The following HSPB7 variants were observed in gnomAD, a reference collection of about 807,000 sequenced individuals.
HSPB7 encodes heat shock protein family B (small) member 7, also known as heat shock protein beta-7.
HSPB7 carries 9 observed loss-of-function variants against 11.0 expected under a neutral mutation model. The observed-to-expected ratio is 0.82, with a 90% CI of 0.49 to 1.43. HSPB7 has a LOEUF of 1.43. Among genes scored for constraint, HSPB7 ranks in the 40% most tolerant of loss-of-function variants. HSPB7 has a pLI of 0.00. For missense variants in HSPB7, 246 were observed against 243.9 expected, an observed-to-expected ratio of 1.01 and a Z score of -0.06; for synonymous variants, 102 against 101.6, an observed-to-expected ratio of 1.00 and a Z score of -0.02.
At chr1:16,018,350 G>A (rs2021925719), upstream of HSPB7, 10 of 1,218,956 alleles carry the variant, frequency 8.2e-6, no homozygotes, top group Non-Finnish European at 9.4e-6. Flanking sequence ...TTTATTGTGT[G>A]TTTTGTTTCC....
In HSPB7 at chr1:16,017,152, C is replaced by A. The variant is rs779290288; in HGVS notation, c.255G>T (p.Ala85=). ...CAGGTGAGAAGTCTCTCACGTCCAC[C>A]GCAAACTCATAGGCGTCTCCTAGGG... ...IKTLGDAYEF[A]VDVRDFSPED... The change falls in exon 2 of 3, where the codon GCG becomes GCT. Residue 85 remains alanine (A), a synonymous_variant. Transcript: ENST00000311890. 1.2e-6 allele frequency: 2 copies of A among 1,613,830 alleles called. No individual in the cohort carries two copies. Among genetic ancestry groups the A allele is most frequent in the African/African-American group, 1.3e-5 (1 of 74,994 alleles).
chr1:16,018,483 G>A (rs888708490), upstream of HSPB7: 15 of 1,119,076 alleles, frequency 1.3e-5, no homozygotes, highest in African/African-American at 1.5e-4. Flanking sequence ...AAGCACCACC[G>A]CTCTGTGACG....
In HSPB7 at chr1:16,015,528, C is replaced by G. The variant is rs1557437724; in HGVS notation, c.*52G>C. The G allele has an allele frequency of 6.4e-7, 1 of 1,573,712 alleles. No individual in the cohort carries two copies. Among genetic ancestry groups the G allele is most frequent in the Non-Finnish European group, 8.7e-7 (1 of 1,146,026 alleles). ...AGCTGTTGTAATGGGGTTAGCGAGG[C>G]TTTGCTGGCAGGCGTGGGGCGGGGG... On this transcript the variant is annotated 3_prime_UTR_variant, in exon 3 of 3. Coordinates refer to ENST00000311890, the MANE Select transcript of HSPB7 (RefSeq NM_014424.5). The surrounding 1 kb of genome is among the most constrained non-coding windows in gnomAD (Gnocchi z 4.9).
Position 16,017,755 on chromosome 1 carries a change from G to T in HSPB7, c.199+10C>A, listed in dbSNP as rs746021177. ...GCACCTCCCCTCCCCTCAGGGCCCG[G>T]ATCACTTGCCTGGGAAGGCCAGGGG... On this transcript the variant is annotated intron_variant, in intron 1 of 2. Coordinates refer to ENST00000311890, the MANE Select transcript of HSPB7 (RefSeq NM_014424.5). 1.3e-6 allele frequency: 2 copies of T among 1,578,996 alleles called. No individual in the cohort carries two copies. Among genetic ancestry groups the T allele is most frequent in the African/African-American group, 1.4e-5 (1 of 73,828 alleles).
chr1:16,015,275 G>A lies in HSPB7; in HGVS notation c.*305C>T. ...GCAGAGCTTGCCCATATGTCCTGCTGGTCCCATTCCCCTGACCCACAGTGG... is the reference window on the plus strand; with the variant it reads ...GCAGAGCTTGCCCATATGTCCTGCTAGTCCCATTCCCCTGACCCACAGTGG... On this transcript the variant is annotated 3_prime_UTR_variant, in exon 3 of 3. Transcript: ENST00000311890. The surrounding 1 kb of genome is among the most constrained non-coding windows in gnomAD (Gnocchi z 4.9). The A allele has an allele frequency of 2.8e-6, 1 of 362,540 alleles. No homozygotes were observed. The allele number at this position is 362,540 out of a possible 1,614,324, so 22.5% of individuals were successfully genotyped here. A position where few individuals can be genotyped will look rare whatever the true frequency, so the allele number is the denominator to read the frequency against.
In HSPB7 at chr1:16,015,563, A is replaced by C; in HGVS notation, c.*17T>G. ...AGGCGTGGGGCGGGGGGACAGGGAA[A>C]GGGAAGGGAGAGGCACTCAGATTTT... On this transcript the variant is annotated 3_prime_UTR_variant, in exon 3 of 3. Transcript: ENST00000311890. This position sits in a 1 kb window ranked among gnomAD's most constrained non-coding sequence, Gnocchi z 4.9. 1 of 1,612,970 alleles carries C rather than the reference A, an allele frequency of 6.2e-7. No individual in the cohort carries two copies. The highest frequency in any genetic ancestry group is 8.5e-7 in the Non-Finnish European group (1 of 1,179,160).
At chr1:16,017,553 C>T (rs990795235) in intron 1 of HSPB7, 3 of 594,540 alleles carry the variant, frequency 5.0e-6, no homozygotes, top group African/African-American at 1.9e-5. Context: ...CCATGTCCAA[C>T]CCCCAGGGCC....
At chr1:16,018,992 G>T (rs2021959989), upstream of HSPB7, 3 of 985,708 alleles carry the variant, frequency 3.0e-6, no homozygotes, top group African/African-American at 1.6e-5. Flanking sequence ...GCAGAGCTGG[G>T]ATTCGAACCT....
intron 1 of HSPB7, 24 bp from the exon 2 acceptor site, chr1:16,017,231 G>A (rs748568896): frequency 5.6e-6 from 9 of 1,609,078 alleles, no homozygotes; most frequent in Non-Finnish European, 7.7e-6. Flanking sequence ...TGCTGTGAGC[G>A]AGGCATGGAG....
Position 16,014,737 on chromosome 1 carries a change from G to A in HSPB7, c.*843C>T, listed in dbSNP as rs918317738. The A allele has an allele frequency of 5.3e-5, 8 of 152,198 alleles. No individual in the cohort carries two copies. The highest frequency in any genetic ancestry group is 8.8e-5 in the Non-Finnish European group (6 of 68,042). 9.4% of individuals were successfully genotyped at this position (152,198 alleles called of 1,614,324 possible). On this transcript the variant is annotated 3_prime_UTR_variant, in exon 3 of 3. Coordinates refer to ENST00000311890, the MANE Select transcript of HSPB7 (RefSeq NM_014424.5). ...CAAGAAGCTGGGGTCCAACCTCGAG[G>A]ACCCAAAGCCCCATCCATGCCCTGG...
rs1028676715 is a variant in HSPB7 at position 16,017,892 on chromosome 1, AGAG to A, written c.69_71del (p.Ser25del). Reference sequence around the variant, plus strand: ...CACGGGAGGCCGAGGAGGAGGTGGAAGAGGAGGAGGAAGAGGAAGAGGAATGGA... The same window carrying A: ...CACGGGAGGCCGAGGAGGAGGTGGAAGAGGAGGAAGAGGAAGAGGAATGGA... On this transcript the variant is annotated inframe_deletion, in exon 1 of 3. Coordinates refer to ENST00000311890, the MANE Select transcript of HSPB7 (RefSeq NM_014424.5). 1.9e-6 allele frequency: 3 copies of A among 1,613,362 alleles called. No individual in the cohort carries two copies. The highest frequency in any genetic ancestry group is 2.5e-6 in the Non-Finnish European group (3 of 1,179,512).
chr1:16,015,292 C>T lies in HSPB7; in HGVS notation c.*288G>A. 1 of 401,072 alleles carries T rather than the reference C, an allele frequency of 2.5e-6. No homozygotes were observed. Among genetic ancestry groups the T allele is most frequent in the Non-Finnish European group, 4.6e-6 (1 of 219,666 alleles). The allele number at this position is 401,072 out of a possible 1,614,324, so 24.8% of individuals were successfully genotyped here. On this transcript the variant is annotated 3_prime_UTR_variant, in exon 3 of 3. Transcript: ENST00000311890. This position sits in a 1 kb window ranked among gnomAD's most constrained non-coding sequence, Gnocchi z 4.9. ...GTCCTGCTGGTCCCATTCCCCTGAC[C>T]CACAGTGGGTTCTTTAGATCTTCCT...
chr1:16,018,787 A>G (rs2021951970), upstream of HSPB7: 1 of 1,121,396 alleles, frequency 8.9e-7, no homozygotes, highest in Non-Finnish European at 1.1e-6. Context: ...GTCAGAGGTA[A>G]AAGAGAATTC....
In HSPB7 at chr1:16,017,935, C is replaced by A; in HGVS notation, c.29G>T (p.Arg10Leu). 6.2e-7 allele frequency: 1 copy of A among 1,613,348 alleles called. No homozygotes were observed. Among genetic ancestry groups the A allele is most frequent in the South Asian group, 1.1e-5 (1 of 91,070 alleles). MSHRTSSTF[R>L]AERSFHSSSS... ...AGAGGAATGGAAACTTCTCTCCGCT[C>A]GGAAGGTGGAAGAGGTTCTGTGGCT... is the stretch of plus-strand genomic sequence containing the variant. The change falls in exon 1 of 3, where the codon CGA becomes CTA. Residue 10 changes from arginine to leucine, a missense_variant. Coordinates refer to ENST00000311890, the MANE Select transcript of HSPB7 (RefSeq NM_014424.5).
At chr1:16,018,870 G>A, upstream of HSPB7, 4 of 1,338,860 alleles carry the variant, frequency 3.0e-6, no homozygotes, top group Non-Finnish European at 3.8e-6. Flanking sequence ...AAGCTGTCCA[G>A]CACGGCCCCG....
At chr1:16,016,829 G>A (rs3738643) in intron 2 of HSPB7, among the ~76,000 whole-genome samples, 1 of 151,516 alleles carries the variant, frequency 6.6e-6, no homozygotes, top group Non-Finnish European at 1.5e-5. Flanking sequence ...CCCATTCCTC[G>A]GAGGCTCCCT....
At chr1:16,019,013 G>C, upstream of HSPB7, 2 of 1,029,010 alleles carry the variant, frequency 1.9e-6, no homozygotes, top group East Asian at 5.3e-5. Flanking sequence ...AGATGTGTTG[G>C]ACCCAAAGCC....
In HSPB7 at chr1:16,017,848, G is replaced by A. The variant is rs372453507; in HGVS notation, c.116C>T (p.Pro39Leu). 9.2e-5 allele frequency: 149 copies of A among 1,613,814 alleles called. No homozygotes were observed. The highest frequency in any genetic ancestry group is 1.2e-4 in the Non-Finnish European group (141 of 1,179,938). Residue 39 changes from proline to leucine, a missense_variant, in exon 1 of 3, where the codon CCG (proline) becomes CTG (leucine). Transcript: ENST00000311890. ...SASRALPAQD[P>L]PMEKALSMFS... Reference sequence around the variant, plus strand: ...CATGCTCAGGGCCTTCTCCATGGGCGGGTCCTGGGCCGGGAGAGCACGGGA... The same window carrying A: ...CATGCTCAGGGCCTTCTCCATGGGCAGGTCCTGGGCCGGGAGAGCACGGGA...
upstream of HSPB7, chr1:16,018,304 C>A: frequency 7.7e-7 from 1 of 1,303,430 alleles, no homozygotes; most frequent in South Asian, 1.3e-5. Context: ...GCCACTCGGA[C>A]CTCGGTGCCT....
Sources: allele counts gnomAD v4.1 joint callset (sites outside exome capture counted in the v4.1 genomes callset), GRCh38; gene constraint gnomAD v4.1.1; non-coding constraint Gnocchi (gnomAD v3.1); transcripts MANE v1.5; gene names NCBI Gene and HGNC (gene_info 2026-07-23, HGNC 2026-07-21).